Variants in PABIR3 observed in about 807,000 individuals in gnomAD.
PABIR3 encodes the protein PABIR family member 3, also known as PABIR family member 1.
In PABIR3, 20 loss-of-function variants were observed where a neutral mutation model predicts 23.1. The ratio of observed to expected loss-of-function variants is 0.86; its 90% CI spans 0.61 to 1.26. The LOEUF is 1.26. Among genes scored for constraint, PABIR3 ranks in the 50% most tolerant of loss-of-function variants. PABIR3 has a pLI of 0.00. For missense variants in PABIR3, 189 were observed against 195.4 expected (o/e 0.97, Z 0.20); for synonymous variants, 69 against 68.5 (o/e 1.01, Z -0.04).
At chrX:134,800,448 A>G (rs765065474) in intron 1 of PABIR3, among the ~76,000 whole-genome samples, 4 of 110,974 alleles carry the variant, frequency 3.6e-5, no homozygotes, top group African/African-American at 1.3e-4. Flanking sequence ...CAACAGAACC[A>G]ATATTTCTGG....
At chrX:134,851,690 C>T (rs1019950657) in intron 9 of PABIR3, among the ~76,000 whole-genome samples, 3 of 111,987 alleles carry the variant, frequency 2.7e-5, no homozygotes, top group African/African-American at 9.7e-5. Context: ...TTTGATTTGT[C>T]ATGTTTTCAA....
chrX:134,814,727 T>C, intron 2 of PABIR3, 44 bp from the exon 3 acceptor site: 2 of 1,009,302 alleles, frequency 2.0e-6, no homozygotes, highest in Non-Finnish European at 2.7e-6. Flanking sequence ...AAAAGAATTT[T>C]GTAATGGATT....
chrX:134,861,164 A>T, the PABIR3 span, among the ~76,000 whole-genome samples: 1 of 110,139 alleles, frequency 9.1e-6, no homozygotes, highest in Admixed American at 9.7e-5. Context: ...AGTCCCAGCT[A>T]CTCAAGAGGC....
chrX:134,864,683 A>G, the PABIR3 span, among the ~76,000 whole-genome samples: 1 of 112,372 alleles, frequency 8.9e-6, no homozygotes, highest in African/African-American at 3.2e-5. Flanking sequence ...CACTGTATAT[A>G]TGGTACAATT....
Position 134,845,228 on chromosome X carries a change from T to C in PABIR3, c.270T>C (p.Asn90=). 1 of 1,195,984 alleles carries C rather than the reference T, an allele frequency of 8.4e-7. No individual in the cohort carries two copies. Among genetic ancestry groups the C allele is most frequent in the Non-Finnish European group, 1.1e-6 (1 of 885,941 alleles). Residue 90 remains asparagine, a synonymous_variant, in exon 5 of 11, where the codon AAT becomes AAC. Coordinates refer to ENST00000645433, the MANE Select transcript of PABIR3 (RefSeq NM_001388447.1). The part of the protein sequence containing the change: ...IKQEEAMDLI[N]RETMSEWKLQ... Reference sequence around the variant, plus strand: ...AGGAAGAAGCCATGGATTTAATAAATAGAGAAACAATGTCTGAATGGTGAG... The same window carrying C: ...AGGAAGAAGCCATGGATTTAATAAACAGAGAAACAATGTCTGAATGGTGAG...
intron 1 of PABIR3, among the ~76,000 whole-genome samples, chrX:134,801,718 G>A (rs1299124660): frequency 8.9e-6 from 1 of 112,067 alleles, no homozygotes; most frequent in Non-Finnish European, 1.9e-5. Context: ...CAACAGTTGA[G>A]CCTGCTTCTT....
intron 3 of PABIR3, among the ~76,000 whole-genome samples, chrX:134,828,837 G>C (rs1344732438): frequency 9.0e-6 from 1 of 111,561 alleles, no homozygotes; most frequent in Non-Finnish European, 1.9e-5. Flanking sequence ...CTGATTCAAT[G>C]ACTGTTTCAG....
At chrX:134,837,021 T>C (rs2081994797) in intron 4 of PABIR3, among the ~76,000 whole-genome samples, 1 of 110,310 alleles carries the variant, frequency 9.1e-6, no homozygotes, top group Admixed American at 9.8e-5. Flanking sequence ...CTGGGCAACA[T>C]AAGAAGACTC....
intron 4 of PABIR3, among the ~76,000 whole-genome samples, chrX:134,843,419 A>AG (rs1446581898): frequency 9.2e-6 from 1 of 109,045 alleles, no homozygotes; most frequent in African/African-American, 3.3e-5. Context: ...AAAAAAAAAA[A>AG]AGGGGGTTCA....
the PABIR3 span, among the ~76,000 whole-genome samples, chrX:134,861,131 C>T: frequency 6.3e-5 from 7 of 110,443 alleles, no homozygotes; most frequent in Non-Finnish European, 1.1e-4. Flanking sequence ...AAAAATTAGC[C>T]GGGTGTGGTG....
chrX:134,856,809 G>A (rs941459426), downstream of PABIR3, among the ~76,000 whole-genome samples: 1 of 110,276 alleles, frequency 9.1e-6, no homozygotes, highest in African/African-American at 3.3e-5. Context: ...TCAAGAGTTC[G>A]AGACCAGCCT....
intron 4 of PABIR3, among the ~76,000 whole-genome samples, chrX:134,841,159 CTTG>C (rs1200405933): frequency 3.9e-4 from 42 of 108,730 alleles, no homozygotes; most frequent in African/African-American, 1.3e-3. Context: ...GAGATGAGGT[CTTG>C]TTGTTACCCA....
intron 2 of PABIR3, among the ~76,000 whole-genome samples, chrX:134,812,603 A>G (rs1056860632): frequency 9.0e-6 from 1 of 111,603 alleles, no homozygotes; most frequent in Admixed American, 9.6e-5. Context: ...TAGGGAGCTT[A>G]AGATAAGTGC....
intron 4 of PABIR3, among the ~76,000 whole-genome samples, chrX:134,833,389 T>C (rs2081875000): frequency 9.0e-6 from 1 of 111,124 alleles, no homozygotes; most frequent in African/African-American, 3.3e-5. Flanking sequence ...GCCATCATTA[T>C]GCATAACAAA....
intron 3 of PABIR3, among the ~76,000 whole-genome samples, chrX:134,816,062 C>A (rs1192754364): frequency 1.8e-5 from 2 of 111,908 alleles, no homozygotes; most frequent in Non-Finnish European, 3.8e-5. Context: ...CATGTGTTTC[C>A]CCACCTTGTT....
intron 2 of PABIR3, chrX:134,811,004 T>G (rs1157048786): frequency 1.3e-5 from 10 of 752,393 alleles, no homozygotes; most frequent in Non-Finnish European, 1.6e-5. Context: ...TTTCAAGTAA[T>G]TTTCGAACTT....
At chrX:134,821,670 A>G in intron 3 of PABIR3, 2 of 1,064,824 alleles carry the variant, frequency 1.9e-6, no homozygotes, top group Admixed American at 5.7e-5. Context: ...GGCAACCACA[A>G]ACCCCAAATC....
At chrX:134,847,606 T>C in intron 7 of PABIR3, 131 bp downstream of exon 7, 1 of 486,671 alleles carries the variant, frequency 2.1e-6, no homozygotes, top group East Asian at 3.6e-5. Flanking sequence ...TAACTAACAT[T>C]TTTCCCTTCT....
At chrX:134,852,717 G>A in intron 9 of PABIR3, 83 bp from the exon 10 acceptor site, 1 of 509,512 alleles carries the variant, frequency 2.0e-6, no homozygotes, top group Non-Finnish European at 2.9e-6. Context: ...ATTAATTGCA[G>A]TGAATAAGTA....
Sources: gnomAD v4.1 joint callset for allele counts (sites outside exome capture counted in the v4.1 genomes callset) on GRCh38, gnomAD v4.1.1 for gene constraint, MANE v1.5 for transcripts, NCBI Gene and HGNC (gene_info 2026-07-23, HGNC 2026-07-21) for gene names.